The following TUBA1C variants were observed in gnomAD, a reference collection of about 807,000 sequenced individuals.
TUBA1C encodes the protein tubulin alpha-1C chain.
A neutral mutation model predicts 34.9 loss-of-function variants in TUBA1C; 16 were observed. The ratio of observed to expected loss-of-function variants is 0.46; its 90% confidence interval spans 0.31 to 0.70. The LOEUF is 0.70. Among genes scored for constraint, TUBA1C ranks in the 30% least tolerant of loss-of-function variants. The probability of loss-of-function intolerance (pLI) is 0.05; values close to 1 mark genes in which losing one functional copy is unlikely to be tolerated. For missense variants in TUBA1C, 329 were observed against 587.3 expected (o/e 0.56, Z 4.55); for synonymous variants, 177 against 215.9 (o/e 0.82, Z 1.58).
Position 49,229,598 on chromosome 12 carries a change from C to T in TUBA1C, c.213+1432C>T, listed in dbSNP as rs914641135. On this transcript the variant is annotated intron_variant, in intron 1 of 3. Coordinates refer to the TUBA1C transcript ENST00000541364. ...CCGGTACTGCTCACTTCACCCCAAA[C>T]CCAGTCCTCTCCCCAAAGAAACCCC... Among the ~76,000 whole-genome samples the T allele has an allele frequency of 4.6e-5, 7 of 152,258 alleles. No individual in the cohort carries two copies. In the East Asian group the frequency reaches 9.6e-4, roughly 21 times the overall value.
chr12:49,269,877 C>T lies in TUBA1C; in HGVS notation c.276C>T (p.Leu92=), dbSNP rs758378171. 3.7e-6 allele frequency: 6 copies of T among 1,614,068 alleles called. No homozygotes were observed. The South Asian group carries it at 6.6e-5, about 18-fold the overall frequency. ...TYRQLFHPEQ[L]ITGKEDAANN... ...GCCAGCTCTTCCACCCTGAGCAACTCATCACAGGCAAGGAAGATGCTGCCA... is the reference window on the plus strand; with the variant it reads ...GCCAGCTCTTCCACCCTGAGCAACTTATCACAGGCAAGGAAGATGCTGCCA... Residue 92 remains leucine (L), a synonymous_variant, in exon 3 of 4, where the codon CTC becomes CTT. Transcript: ENST00000301072.
upstream of TUBA1C, among the ~76,000 whole-genome samples, chr12:49,263,043 T>TTC (rs1414693917): frequency 1.3e-5 from 2 of 150,090 alleles, no homozygotes; most frequent in Non-Finnish European, 3.0e-5. Context: ...TTTTTTTTTT[T>TTC]CTGAGACAGA....
chr12:49,265,219 C>T (rs2137015697), intron 1 of TUBA1C, 35 bp downstream of exon 1: 3 of 1,569,942 alleles, frequency 1.9e-6, no homozygotes, highest in South Asian at 1.1e-5. Flanking sequence ...GGGAAGAGTG[C>T]GCGTCCCAGG....
At chr12:49,255,518 C>T (rs1433433618) in intron 1 of TUBA1C, among the ~76,000 whole-genome samples, 1 of 151,480 alleles carries the variant, frequency 6.6e-6, no homozygotes, top group African/African-American at 2.4e-5. Context: ...TTCCAAAGTG[C>T]TGGAATTACA....
intron 1 of TUBA1C, among the ~76,000 whole-genome samples, chr12:49,228,414 A>G (rs1051988872): frequency 6.6e-6 from 1 of 152,232 alleles, no homozygotes; most frequent in East Asian, 1.9e-4. Context: ...ATATTTTCAG[A>G]TGCAAAACAC....
At chr12:49,245,162 T>G (rs1360621096) in intron 1 of TUBA1C, among the ~76,000 whole-genome samples, 4 of 152,260 alleles carry the variant, frequency 2.6e-5, no homozygotes, top group African/African-American at 9.6e-5. Flanking sequence ...TATTCATCAC[T>G]TGTTTATTGA....
intron 1 of TUBA1C, among the ~76,000 whole-genome samples, chr12:49,244,239 C>T (rs901659108): frequency 6.6e-6 from 1 of 151,974 alleles, no homozygotes; most frequent in Non-Finnish European, 1.5e-5. Context: ...CTAAATGGGG[C>T]TCTAAATGGC....
intron 1 of TUBA1C, chr12:49,257,876 TTG>T: frequency 5.2e-6 from 1 of 193,646 alleles, no homozygotes; most frequent in Non-Finnish European, 1.1e-5. Context: ...TTTTTTTTTT[TTG>T]AGCAGAGTCT....
At chr12:49,229,212 C>T (rs1018815070) in intron 1 of TUBA1C, among the ~76,000 whole-genome samples, 19 of 152,158 alleles carry the variant, frequency 1.2e-4, no homozygotes, top group South Asian at 6.2e-4. Context: ...CTCACCCTGT[C>T]GCCCAGGCTG....
In TUBA1C at chr12:49,265,163, ACCCC is replaced by A; in HGVS notation, c.-18_-15del. On this transcript the variant is annotated 5_prime_UTR_variant, in exon 1 of 4. Coordinates refer to ENST00000301072, the MANE Select transcript of TUBA1C (RefSeq NM_032704.5). ...CCCTTCGCCTCCTTCACCGCCGCAG[ACCCC>A]TTCAAGTTCTAGTCATGGTGAGTGG... The A allele has an allele frequency of 1.2e-6, 2 of 1,602,472 alleles. No homozygotes were observed. The highest frequency in any genetic ancestry group is 1.7e-6 in the Non-Finnish European group (2 of 1,172,180).
At chr12:49,262,648 C>T (rs562804593), upstream of TUBA1C, among the ~76,000 whole-genome samples, 1 of 152,044 alleles carries the variant, frequency 6.6e-6, no homozygotes, top group Non-Finnish European at 1.5e-5. Flanking sequence ...GGCATGGTGG[C>T]ACATGCCTGT....
rs141914608 is a variant in TUBA1C at position 49,250,439 on chromosome 12, G to A, written c.214-19026G>A. On this transcript the variant is annotated intron_variant, in intron 1 of 3. Coordinates refer to the TUBA1C transcript ENST00000541364. ...CTTGGGAGGCTGAGTCAGGAGAATA[G>A]CGTGAACCTGGGAGGCGGAGCTTGC... Among the ~76,000 whole-genome samples, 677 of 150,512 alleles carry A rather than the reference G, an allele frequency of 4.5e-3. 5 individuals are homozygous for A. Among genetic ancestry groups the A allele is most frequent in the South Asian group, 0.031 (147 of 4,738 alleles).
At chr12:49,244,049 C>G (rs1289828634) in intron 1 of TUBA1C, among the ~76,000 whole-genome samples, 1 of 150,768 alleles carries the variant, frequency 6.6e-6, no homozygotes, top group East Asian at 2.0e-4. Context: ...ACTCGGGAGG[C>G]TGAGGCACGA....
chr12:49,273,278 G>A lies in TUBA1C; in HGVS notation c.*51G>A. ...TTTGTCTTGGAACTGTCTTATTTTT[G>A]TTCTGTAAATGTCTATTGCCGTAAA... is the stretch of plus-strand genomic sequence containing the variant. On this transcript the variant is annotated 3_prime_UTR_variant, in exon 4 of 4. Coordinates refer to ENST00000301072, the MANE Select transcript of TUBA1C (RefSeq NM_032704.5). 6.3e-7 allele frequency: 1 copy of A among 1,585,696 alleles called. No homozygotes were observed. The highest frequency in any genetic ancestry group is 8.6e-7 in the Non-Finnish European group (1 of 1,160,408).
At chr12:49,229,620 C>A (rs1942474445) in intron 1 of TUBA1C, among the ~76,000 whole-genome samples, 1 of 152,080 alleles carries the variant, frequency 6.6e-6, no homozygotes, top group Non-Finnish European at 1.5e-5. Flanking sequence ...CCCAAAGAAA[C>A]CCCTGTTAAC....
chr12:49,263,021 CTCT>C (rs1942856397), upstream of TUBA1C, among the ~76,000 whole-genome samples: 2 of 135,528 alleles, frequency 1.5e-5, no homozygotes, highest in Admixed American at 1.5e-4. Context: ...AAGAGAATTA[CTCT>C]TTTTTTTTTT....
At chr12:49,268,749 A>G (rs1942949103) in intron 1 of TUBA1C, among the ~76,000 whole-genome samples, 1 of 152,192 alleles carries the variant, frequency 6.6e-6, no homozygotes, top group Non-Finnish European at 1.5e-5. Flanking sequence ...AGTCATGGCT[A>G]TAGTTTGCTG....
intron 1 of TUBA1C, chr12:49,228,203 A>T (rs1228249151): frequency 6.5e-7 from 1 of 1,527,430 alleles, no homozygotes; most frequent in Non-Finnish European, 8.8e-7. Context: ...AAATAGCTTC[A>T]TCATGCACGG....
At chr12:49,249,285 G>C (rs1012678632) in intron 1 of TUBA1C, among the ~76,000 whole-genome samples, 1 of 152,018 alleles carries the variant, frequency 6.6e-6, no homozygotes, top group African/African-American at 2.4e-5. Context: ...AAATTAGCCG[G>C]GTGTGGTGGC....
Sources: gnomAD v4.1 joint callset for allele counts (sites outside exome capture counted in the v4.1 genomes callset) on GRCh38, gnomAD v4.1.1 for gene constraint, MANE v1.5 for transcripts, NCBI Gene and HGNC (gene_info 2026-07-23, HGNC 2026-07-21) for gene names.